RBFOX1: variants seen among roughly 807,000 people sequenced by gnomAD.
The protein encoded by RBFOX1 is RNA binding fox-1 homolog 1, also known as RNA binding protein fox-1 homolog 1.
In RBFOX1, 8 loss-of-function variants were observed where a neutral mutation model predicts 57.7. The observed-to-expected ratio is 0.14, with a 90% confidence interval of 0.08 to 0.25. The LOEUF is 0.25. Among genes scored for constraint, RBFOX1 ranks in the 10% least tolerant of loss-of-function variants. The pLI is 1.00. For missense variants in RBFOX1, 611 were observed against 548.5 expected, an observed-to-expected ratio of 1.11 and a Z score of -1.14; for synonymous variants, 326 against 222.4, an observed-to-expected ratio of 1.47 and a Z score of -4.15.
intron 3 of RBFOX1, among the ~76,000 whole-genome samples, chr16:6,706,305 T>A (rs1436509251): frequency 1.3e-5 from 2 of 152,140 alleles, no homozygotes; most frequent in Non-Finnish European, 2.9e-5. Flanking sequence ...TAAATCACAT[T>A]TACGAGGAGA....
At chr16:5,751,304 T>A (rs2151619859) in intron 3 of RBFOX1, among the ~76,000 whole-genome samples, 1 of 152,284 alleles carries the variant, frequency 6.6e-6, no homozygotes, top group African/African-American at 2.4e-5. Flanking sequence ...ATTTCACTCA[T>A]GAGTAATTAA....
At position 7,298,962 on chromosome 16, in the gene RBFOX1, A is replaced by C. The variant is rs79080356; in HGVS notation, c.28-219185A>C. On this transcript the variant is annotated intron_variant, in intron 4 of 15. Transcript: ENST00000550418. Reference sequence around the variant, plus strand: ...TTCAAATCTGTGTTGTTCACGAGTCAACTGTATTTGCTTTTACAAGCAATG... The same window carrying C: ...TTCAAATCTGTGTTGTTCACGAGTCCACTGTATTTGCTTTTACAAGCAATG... Among the ~76,000 whole-genome samples the C allele has an allele frequency of 2.1e-3, 317 of 152,308 alleles. 3 individuals are homozygous for C. In the East Asian group the frequency reaches 0.022, roughly 11 times the overall value.
chr16:5,675,535 G>C (rs546165390), intron 3 of RBFOX1, among the ~76,000 whole-genome samples: 2 of 152,320 alleles, frequency 1.3e-5, no homozygotes, highest in Non-Finnish European at 2.9e-5. Context: ...AACTTGGCCA[G>C]ATAATGGAAA....
At chr16:5,502,753 A>C (rs2043243283) in intron 2 of RBFOX1, among the ~76,000 whole-genome samples, 2 of 152,144 alleles carry the variant, frequency 1.3e-5, no homozygotes, top group Admixed American at 1.3e-4. Context: ...TCTGCAGTGC[A>C]CCAGAGCCTG....
chr16:7,551,544 A>C (rs528383440), intron 5 of RBFOX1, among the ~76,000 whole-genome samples: 1 of 152,208 alleles, frequency 6.6e-6, no homozygotes, highest in Non-Finnish European at 1.5e-5. Context: ...GTTTTGAGGG[A>C]AATGGTCAAT....
intron 1 of RBFOX1, among the ~76,000 whole-genome samples, chr16:6,051,038 AC>A (rs2095546884): frequency 6.8e-6 from 1 of 147,948 alleles, no homozygotes; most frequent in Non-Finnish European, 1.5e-5. Flanking sequence ...TATATTTGCT[AC>A]CCCACACCTG....
At chr16:7,037,251 T>TC (rs1404929325) in intron 3 of RBFOX1, among the ~76,000 whole-genome samples, 1 of 145,818 alleles carries the variant, frequency 6.9e-6, no homozygotes, top group African/African-American at 2.6e-5. Context: ...TTTTTTTTTT[T>TC]TTTTTGAGAT....
intron 1 of RBFOX1, among the ~76,000 whole-genome samples, chr16:5,263,705 A>T (rs1174797854): frequency 6.6e-6 from 1 of 152,124 alleles, no homozygotes; most frequent in Non-Finnish European, 1.5e-5. Flanking sequence ...AGGTACAGTG[A>T]TCTAGGGGTG....
At chr16:6,044,124 A>G (rs1346502076) in intron 1 of RBFOX1, among the ~76,000 whole-genome samples, 1 of 152,232 alleles carries the variant, frequency 6.6e-6, no homozygotes, top group African/African-American at 2.4e-5. Context: ...CTTGACTGAT[A>G]CAGTGACTGA....
At chr16:6,072,941 C>A (rs75340647) in intron 1 of RBFOX1, among the ~76,000 whole-genome samples, 2,400 of 152,186 alleles carry the variant, frequency 0.016, 67 homozygotes, top group South Asian at 0.11. Context: ...AAATTGTATA[C>A]GTTAAATATG....
chr16:6,989,434 C>CT (rs1290397312), intron 3 of RBFOX1, among the ~76,000 whole-genome samples: 4 of 152,098 alleles, frequency 2.6e-5, no homozygotes, highest in Admixed American at 6.5e-5. Flanking sequence ...GCAATTAGAA[C>CT]TTTTTTTCCC....
chr16:6,843,905 T>TG (rs1412880417), intron 3 of RBFOX1, among the ~76,000 whole-genome samples: 11 of 152,066 alleles, frequency 7.2e-5, no homozygotes, highest in Non-Finnish European at 1.0e-4. Context: ...TCTAAGAATA[T>TG]GGGGGGGAAA....
At chr16:6,333,678 A>C (rs2083306510) in intron 2 of RBFOX1, among the ~76,000 whole-genome samples, 1 of 152,240 alleles carries the variant, frequency 6.6e-6, no homozygotes, top group South Asian at 2.1e-4. Flanking sequence ...GATGGACTTA[A>C]GTTTAGAATA....
chr16:7,463,546 A>C (rs577616226), intron 4 of RBFOX1, among the ~76,000 whole-genome samples: 32 of 152,232 alleles, frequency 2.1e-4, no homozygotes, highest in Admixed American at 1.4e-3. Flanking sequence ...ACAGAGTCCT[A>C]CCCTTATGAT....
chr16:6,544,609 A>G (rs1304354220), intron 2 of RBFOX1, among the ~76,000 whole-genome samples: 1 of 152,148 alleles, frequency 6.6e-6, no homozygotes, highest in Non-Finnish European at 1.5e-5. Flanking sequence ...CATTAACTTC[A>G]TGGGTGCATA....
At chr16:5,524,610 G>A (rs2044164857) in intron 2 of RBFOX1, among the ~76,000 whole-genome samples, 1 of 150,572 alleles carries the variant, frequency 6.6e-6, no homozygotes, top group African/African-American at 2.5e-5. Flanking sequence ...GTGCGATCTT[G>A]GCTCACTGCA....
chr16:6,382,907 T>G (rs2152919996), intron 2 of RBFOX1, among the ~76,000 whole-genome samples: 1 of 152,212 alleles, frequency 6.6e-6, no homozygotes, highest in African/African-American at 2.4e-5. Flanking sequence ...AGTGTTAAGT[T>G]ATTACCCAAA....
rs144441585 is a variant in RBFOX1, at chr16:7,416,456, G to A, written c.28-101691G>A. Among the ~76,000 whole-genome samples, 420 of 152,288 alleles carry A rather than the reference G, an allele frequency of 2.8e-3. 2 individuals are homozygous for A. The highest frequency in any genetic ancestry group is 9.7e-3 in the African/African-American group (405 of 41,550). ...CCCCCAACCTCTGCTGATTGTTAGAGGGAGGAAGTGATGTACAGGAAAGTG... is the reference window on the plus strand; with the variant it reads ...CCCCCAACCTCTGCTGATTGTTAGAAGGAGGAAGTGATGTACAGGAAAGTG... On this transcript the variant is annotated intron_variant, in intron 4 of 15. Transcript: ENST00000550418.
At chr16:7,117,196 A>G (rs139386204) in intron 4 of RBFOX1, among the ~76,000 whole-genome samples, 1 of 152,300 alleles carries the variant, frequency 6.6e-6, no homozygotes, top group East Asian at 1.9e-4. Context: ...AAGACTAGCT[A>G]AGCATTTTGG....
Sources: gnomAD v4.1 joint callset for allele counts (sites outside exome capture counted in the v4.1 genomes callset) on GRCh38, gnomAD v4.1.1 for gene constraint, MANE v1.5 for transcripts, NCBI Gene and HGNC (gene_info 2026-07-23, HGNC 2026-07-21) for gene names.